The following CLASP1 variants were observed in gnomAD, a reference collection of about 807,000 sequenced individuals.
CLASP1 encodes the protein CLIP-associating protein 1.
A neutral mutation model predicts 192.3 loss-of-function variants in CLASP1; 38 were observed. The observed-to-expected ratio is 0.20, with a 90% CI of 0.15 to 0.26. The LOEUF is 0.26. Among genes scored for constraint, CLASP1 ranks in the 10% least tolerant of loss-of-function variants. The pLI is 1.00. For synonymous variants in CLASP1, 691 were observed against 712.8 expected, an observed-to-expected ratio of 0.97 and a Z score of 0.49; for missense variants, 1,433 against 1,932.5, an observed-to-expected ratio of 0.74 and a Z score of 4.85.
At chr2:121,570,512 G>A (rs2059891752) in intron 2 of CLASP1, among the ~76,000 whole-genome samples, 1 of 152,214 alleles carries the variant, frequency 6.6e-6, no homozygotes, top group South Asian at 2.1e-4. Flanking sequence ...GCAGAATCTA[G>A]TGAACTCTTA....
chr2:121,586,781 G>A (rs949348876), intron 2 of CLASP1, among the ~76,000 whole-genome samples: 2 of 152,180 alleles, frequency 1.3e-5, no homozygotes, highest in East Asian at 3.8e-4. Context: ...TGAAGCCCCT[G>A]AGGCCTAGGT....
At chr2:121,604,537 G>A (rs557964361) in intron 2 of CLASP1, among the ~76,000 whole-genome samples, 8 of 152,136 alleles carry the variant, frequency 5.3e-5, no homozygotes, top group South Asian at 4.1e-4. Context: ...GCATGGTGGC[G>A]CACGTCTGTA....
At chr2:121,421,161 TAA>T (rs1280860199) in intron 22 of CLASP1, among the ~76,000 whole-genome samples, 2 of 152,206 alleles carry the variant, frequency 1.3e-5, no homozygotes, top group African/African-American at 2.4e-5. Flanking sequence ...GTTCAAATGT[TAA>T]ATAATTTAAA....
chr2:121,394,327 T>C (rs2074915332), intron 30 of CLASP1, among the ~76,000 whole-genome samples: 1 of 152,214 alleles, frequency 6.6e-6, no homozygotes, highest in South Asian at 2.1e-4. Flanking sequence ...AGAGATTCTA[T>C]GGCTGGTTTT....
chr2:121,515,289 G>GAATAT (rs2094255687), intron 7 of CLASP1, among the ~76,000 whole-genome samples: 1 of 152,096 alleles, frequency 6.6e-6, no homozygotes, highest in African/African-American at 2.4e-5. Context: ...TTCTGGAATG[G>GAATAT]CTTCATTCAT....
chr2:121,610,248 T>C (rs1222071413), intron 1 of CLASP1, among the ~76,000 whole-genome samples: 1 of 116,962 alleles, frequency 8.5e-6, no homozygotes, highest in Non-Finnish European at 1.8e-5. Context: ...AAGAGTAGCC[T>C]GAGGAGGAGG....
At chr2:121,572,631 C>G (rs1481823261) in intron 2 of CLASP1, among the ~76,000 whole-genome samples, 1 of 152,074 alleles carries the variant, frequency 6.6e-6, no homozygotes, top group Admixed American at 6.5e-5. Flanking sequence ...CAGTGGCTCA[C>G]GCACCTGTAA....
At chr2:121,499,480 T>C (rs2093658807) in intron 8 of CLASP1, among the ~76,000 whole-genome samples, 1 of 148,580 alleles carries the variant, frequency 6.7e-6, no homozygotes, top group Middle Eastern at 3.5e-3. Flanking sequence ...TAGATTTAAA[T>C]AGTGGTAATA....
intron 8 of CLASP1, chr2:121,490,183 G>T (rs1383854157): frequency 5.4e-6 from 2 of 369,120 alleles, no homozygotes; most frequent in East Asian, 1.8e-4. Context: ...ATGATTTTTA[G>T]TTACCACAGG....
chr2:121,470,384 G>GGCAT, intron 8 of CLASP1: 1 of 445,816 alleles, frequency 2.2e-6, no homozygotes, highest in Non-Finnish European at 4.3e-6. Context: ...TAGGATGACA[G>GGCAT]GCATGAGCCA....
intron 8 of CLASP1, among the ~76,000 whole-genome samples, chr2:121,493,681 G>C (rs1158438560): frequency 1.3e-5 from 2 of 151,816 alleles, no homozygotes; most frequent in Non-Finnish European, 2.9e-5. Context: ...GAAAATATTT[G>C]CAAACTACCC....
At chr2:121,439,175 T>A (rs1241681177) in intron 19 of CLASP1, among the ~76,000 whole-genome samples, 1 of 152,178 alleles carries the variant, frequency 6.6e-6, no homozygotes, top group Non-Finnish European at 1.5e-5. Flanking sequence ...TCAGTGGTGA[T>A]ATCCCCTTTA....
At chr2:121,359,662 C>T (rs2065998506) in intron 37 of CLASP1, among the ~76,000 whole-genome samples, 1 of 152,046 alleles carries the variant, frequency 6.6e-6, no homozygotes, top group South Asian at 2.1e-4. Context: ...TAATGAGGCA[C>T]TGAAACTCAA....
intron 2 of CLASP1, among the ~76,000 whole-genome samples, chr2:121,570,042 T>A (rs1390611646): frequency 6.6e-6 from 1 of 152,100 alleles, no homozygotes; most frequent in African/African-American, 2.4e-5. Context: ...CAAAGGAAGA[T>A]ATTTGCTGTT....
At chr2:121,536,273 C>G (rs908377872) in intron 2 of CLASP1, among the ~76,000 whole-genome samples, 1 of 141,254 alleles carries the variant, frequency 7.1e-6, no homozygotes, top group Admixed American at 7.3e-5. Flanking sequence ...CCCAGCTACT[C>G]GGGAGGCTGA....
chr2:121,592,316 G>A (rs752632611), intron 2 of CLASP1, among the ~76,000 whole-genome samples: 6 of 152,158 alleles, frequency 3.9e-5, no homozygotes, highest in Admixed American at 1.3e-4. Context: ...GGTAGCCATC[G>A]CTCCATTTTT....
At chr2:121,407,538 T>G (rs1428222484) in exon 25 of CLASP1, 2 of 1,613,992 alleles carry the variant, frequency 1.2e-6, no homozygotes, top group South Asian at 1.1e-5. Context: ...TCTGACCAGT[T>G]TGAACTAGCA....
chr2:121,578,185 G>A (rs1020534165), intron 2 of CLASP1, among the ~76,000 whole-genome samples: 11 of 151,808 alleles, frequency 7.2e-5, no homozygotes, highest in Admixed American at 1.3e-4. Context: ...CGCCCACCTC[G>A]GCATCCCAAA....
At chr2:121,397,380 G>A in intron 29 of CLASP1, 97 bp from the exon 31 acceptor site, 1 of 1,010,524 alleles carries the variant, frequency 9.9e-7, no homozygotes, top group Non-Finnish European at 1.5e-6. Flanking sequence ...CCTGGTGAGG[G>A]GGATCTCCTT....
Sources: allele counts gnomAD v4.1 joint callset (sites outside exome capture counted in the v4.1 genomes callset), GRCh38; gene constraint gnomAD v4.1.1; transcripts MANE v1.5; gene names NCBI Gene and HGNC (gene_info 2026-07-23, HGNC 2026-07-21).